MCTP2: variants seen among roughly 807,000 people sequenced by gnomAD.
MCTP2 encodes multiple C2 and transmembrane domain-containing protein 2.
A neutral mutation model predicts 111.6 loss-of-function variants in MCTP2; 132 were observed. The ratio of observed to expected loss-of-function variants is 1.18; its 90% CI spans 1.03 to 1.37. MCTP2 has a LOEUF of 1.37. Among genes scored for constraint, MCTP2 ranks in the 40% most tolerant of loss-of-function variants. MCTP2 has a pLI of 0.00. For missense variants in MCTP2, 1,183 were observed against 1,067.9 expected (o/e 1.11, Z -1.50); for synonymous variants, 395 against 387.7 (o/e 1.02, Z -0.22).
At chr15:94,361,130 T>G (rs1461519768) in intron 10 of MCTP2, among the ~76,000 whole-genome samples, 1 of 148,308 alleles carries the variant, frequency 6.7e-6, no homozygotes, top group East Asian at 2.0e-4. Context: ...CACATTTGCT[T>G]TTCTTTGTGA....
chr15:94,458,282 G>A (rs755880144), intron 20 of MCTP2, 36 bp downstream of exon 20: 4 of 1,263,818 alleles, frequency 3.2e-6, no homozygotes, highest in East Asian at 2.3e-5. Flanking sequence ...GTTTGCAGTA[G>A]ACCTGCTATC....
At chr15:94,233,740 C>A (rs769894880) in intron 1 of MCTP2, among the ~76,000 whole-genome samples, 7 of 152,100 alleles carry the variant, frequency 4.6e-5, no homozygotes, top group Non-Finnish European at 7.4e-5. Context: ...CTGACAATTT[C>A]TTTAAGTGCA....
intron 8 of MCTP2, among the ~76,000 whole-genome samples, chr15:94,349,639 T>C (rs2078189666): frequency 6.6e-6 from 1 of 151,692 alleles, no homozygotes; most frequent in South Asian, 2.1e-4. Context: ...GTTAACATGG[T>C]GAAACCCCGT....
intron 15 of MCTP2, chr15:94,399,495 A>G (rs747771917): frequency 4.6e-4 from 79 of 170,774 alleles, no homozygotes; most frequent in Non-Finnish European, 2.6e-4. Context: ...TTTCCGGGTC[A>G]TTGAAAGGAA....
intron 1 of MCTP2, among the ~76,000 whole-genome samples, chr15:94,245,384 G>GTATTTATATACATGTGTGTATA (rs61713292): frequency 6.2e-5 from 8 of 129,764 alleles, no homozygotes; most frequent in East Asian, 4.4e-4. Context: ...ATATGTATAT[G>GTATTTATATACATGTGTGTATA]TATTTATATA....
Position 94,476,789 on chromosome 15 carries a change from A to G in MCTP2, c.2564A>G (p.Gln855Arg). The G allele has an allele frequency of 6.4e-7, 1 of 1,573,570 alleles. No individual in the cohort carries two copies. The highest frequency in any genetic ancestry group is 8.7e-7 in the Non-Finnish European group (1 of 1,143,452). The change falls in exon 22 of 23, where the codon CAA becomes CGA. Residue 855 changes from glutamine to arginine, a missense_variant. Coordinates refer to ENST00000357742, the MANE Select transcript of MCTP2 (RefSeq NM_001385001.1). ...CTCTCTAGGGTACCGTCTGATGTTCAAAAGGTATGTAATGAATGGTTACCA... is the reference window on the plus strand; with the variant it reads ...CTCTCTAGGGTACCGTCTGATGTTCGAAAGGTATGTAATGAATGGTTACCA... ...DFLSRVPSDV[Q>R]KVQYAELKLC...
chr15:94,435,629 C>CTTTTTTTTTTTTTTTTTTTTTTTTTTTT, intron 17 of MCTP2, among the ~76,000 whole-genome samples: 1 of 117,928 alleles, frequency 8.5e-6, no homozygotes, highest in African/African-American at 3.1e-5. Flanking sequence ...TTTTTTTATT[C>CTTTTTTTTTTTTTTTTTTTTTTTTTTTT]TTTTTTTTTT....
chr15:94,283,299 C>G lies in MCTP2; in HGVS notation c.-65-14902C>G, dbSNP rs564135204. Reference sequence around the variant, plus strand: ...TGTCCCATAGCAAGACATCCTTGCTCTGTCGGGGTCCAGCAGCTAACAAAG... The same window carrying G: ...TGTCCCATAGCAAGACATCCTTGCTGTGTCGGGGTCCAGCAGCTAACAAAG... On this transcript the variant is annotated intron_variant, in intron 1 of 22. Transcript: ENST00000357742. 2.0e-5 allele frequency among the ~76,000 whole-genome samples: 3 copies of G among 152,274 alleles called. No homozygotes were observed. In the South Asian group the frequency reaches 6.2e-4, roughly 32 times the overall value.
chr15:94,434,322 C>A (rs989133687), intron 17 of MCTP2, among the ~76,000 whole-genome samples: 14 of 152,018 alleles, frequency 9.2e-5, no homozygotes, highest in African/African-American at 3.4e-4. Context: ...AAACAGACCT[C>A]CCACCTTGGC....
At chr15:94,327,437 C>G (rs773922329) in intron 4 of MCTP2, among the ~76,000 whole-genome samples, 2 of 152,328 alleles carry the variant, frequency 1.3e-5, no homozygotes, top group Non-Finnish European at 2.9e-5. Flanking sequence ...ATGTTGTTCT[C>G]TTGTTCGGCA....
chr15:94,232,988 T>C (rs1269553582), intron 1 of MCTP2, among the ~76,000 whole-genome samples: 2 of 152,300 alleles, frequency 1.3e-5, no homozygotes, highest in African/African-American at 2.4e-5. Flanking sequence ...AGTCCAGTAA[T>C]TTGTACAAGG....
chr15:94,396,884 A>G (rs2081308426), intron 14 of MCTP2, among the ~76,000 whole-genome samples: 1 of 152,228 alleles, frequency 6.6e-6, no homozygotes, highest in Non-Finnish European at 1.5e-5. Context: ...TTACCAAGTC[A>G]TATTGATAGA....
chr15:94,364,852 A>G (rs1008553811), intron 10 of MCTP2, among the ~76,000 whole-genome samples: 2 of 152,198 alleles, frequency 1.3e-5, no homozygotes, highest in African/African-American at 4.8e-5. Context: ...TTATGACAAA[A>G]CTGGAGCAGT....
At chr15:94,376,541 C>A (rs1315124663) in intron 12 of MCTP2, among the ~76,000 whole-genome samples, 1 of 152,094 alleles carries the variant, frequency 6.6e-6, no homozygotes, top group East Asian at 1.9e-4. Flanking sequence ...CCTAAATGAA[C>A]GTGCCTGATA....
chr15:94,468,092 C>A (rs1259877348), intron 20 of MCTP2, among the ~76,000 whole-genome samples: 1 of 151,242 alleles, frequency 6.6e-6, no homozygotes, highest in Non-Finnish European at 1.5e-5. Context: ...AAGCAACAAA[C>A]TGAAAGAATA....
intron 1 of MCTP2, among the ~76,000 whole-genome samples, chr15:94,295,416 C>A (rs914045431): frequency 2.0e-5 from 3 of 152,134 alleles, no homozygotes; most frequent in Non-Finnish European, 4.4e-5. Flanking sequence ...CATATGGCTC[C>A]ACCTAACTGT....
chr15:94,280,204 G>A (rs2074408243), intron 1 of MCTP2, among the ~76,000 whole-genome samples: 2 of 152,064 alleles, frequency 1.3e-5, no homozygotes, highest in South Asian at 2.1e-4. Context: ...GTATTTGGCT[G>A]TAAGTTTTTC....
rs535339662 is a variant in MCTP2 at position 94,315,749 on chromosome 15, G to A, written c.637+112G>A. 71 of 747,724 alleles carry A rather than the reference G, an allele frequency of 9.5e-5. 1 individual carries two copies. The South Asian group carries it at 1.2e-3, about 12-fold the overall frequency. The allele number at this position is 747,724 out of a possible 1,614,324, so 46.3% of individuals were successfully genotyped here. On this transcript the variant is annotated intron_variant, in intron 4 of 22. Coordinates refer to ENST00000357742, the MANE Select transcript of MCTP2 (RefSeq NM_001385001.1). The stretch of plus-strand genomic sequence containing the variant: ...ATCACAGCATGGTTTAGGATAGACA[G>A]TGGCTCAAATCTAAGTCTCTCCAGG...
chr15:94,273,892 G>A, intron 1 of MCTP2: 1 of 237,154 alleles, frequency 4.2e-6, no homozygotes. Context: ...CTCTCACCAG[G>A]CCAAAACTGG....
Sources: gnomAD v4.1 joint callset for allele counts (sites outside exome capture counted in the v4.1 genomes callset) on GRCh38, gnomAD v4.1.1 for gene constraint, MANE v1.5 for transcripts, NCBI Gene and HGNC (gene_info 2026-07-23, HGNC 2026-07-21) for gene names.